Variants in STPG2 observed in about 807,000 individuals in gnomAD.
STPG2 encodes the protein sperm-tail PG-rich repeat-containing protein 2.
In STPG2, 56 loss-of-function variants were observed where a neutral mutation model predicts 54.2. The observed-to-expected ratio is 1.03, with a 90% CI of 0.83 to 1.29. The LOEUF (loss-of-function observed/expected upper bound fraction) is 1.29, where lower values mean the gene tolerates loss of function less well. Ranked by LOEUF, STPG2 falls within the 50% of genes most tolerant of loss-of-function variation. STPG2 has a pLI of 0.00. For missense variants in STPG2, 596 were observed against 544.9 expected (o/e 1.09, Z -0.93); for synonymous variants, 200 against 181.8 (o/e 1.10, Z -0.81).
At chr4:97,680,909 A>G (rs924283505) in intron 10 of STPG2, among the ~76,000 whole-genome samples, 3 of 152,048 alleles carry the variant, frequency 2.0e-5, no homozygotes, top group Non-Finnish European at 4.4e-5. Flanking sequence ...TAATAATAGA[A>G]AGGAAGAAAC....
intron 8 of STPG2, among the ~76,000 whole-genome samples, chr4:97,920,458 G>A (rs1490657521): frequency 1.3e-5 from 2 of 152,138 alleles, no homozygotes; most frequent in East Asian, 1.9e-4. Flanking sequence ...TTTCTCTACC[G>A]ACTGGGGTGA....
chr4:97,713,233 G>A (rs1270048004), intron 9 of STPG2, among the ~76,000 whole-genome samples: 1 of 152,118 alleles, frequency 6.6e-6, no homozygotes, highest in East Asian at 1.9e-4. Flanking sequence ...TAAACATTAC[G>A]GAAATCAAGA....
chr4:97,707,378 A>T (rs376599487), intron 10 of STPG2, among the ~76,000 whole-genome samples: 1 of 151,996 alleles, frequency 6.6e-6, no homozygotes, highest in Non-Finnish European at 1.5e-5. Flanking sequence ...AAAATTAGCC[A>T]GGTATGGTGG....
At chr4:97,967,863 T>G (rs10029281) in intron 7 of STPG2, among the ~76,000 whole-genome samples, 2 of 151,788 alleles carry the variant, frequency 1.3e-5, no homozygotes, top group Non-Finnish European at 2.9e-5. Flanking sequence ...TAAAGCAGGG[T>G]GTAGAGGGAA....
intron 7 of STPG2, among the ~76,000 whole-genome samples, chr4:97,950,480 A>G (rs1733423763): frequency 6.6e-6 from 1 of 152,056 alleles, no homozygotes; most frequent in Non-Finnish European, 1.5e-5. Flanking sequence ...GTATCTCTTC[A>G]TTCATATGCT....
intron 10 of STPG2, among the ~76,000 whole-genome samples, chr4:97,624,126 T>C (rs1245511499): frequency 1.3e-5 from 2 of 152,180 alleles, no homozygotes; most frequent in African/African-American, 2.4e-5. Flanking sequence ...TGTAATAGAA[T>C]GATTTATATT....
At chr4:97,502,451 A>G (rs1560635168) in intron 4 of STPG2, among the ~76,000 whole-genome samples, 1 of 152,042 alleles carries the variant, frequency 6.6e-6, no homozygotes, top group Non-Finnish European at 1.5e-5. Context: ...GAAAATTGTT[A>G]TCCAAAATGT....
chr4:97,803,572 C>A (rs190994416), intron 9 of STPG2, among the ~76,000 whole-genome samples: 1 of 152,240 alleles, frequency 6.6e-6, no homozygotes, highest in Non-Finnish European at 1.5e-5. Context: ...CAGAGTCTAA[C>A]CCTGTCACCC....
At chr4:97,584,304 G>T (rs1732937384) in intron 10 of STPG2, among the ~76,000 whole-genome samples, 1 of 151,930 alleles carries the variant, frequency 6.6e-6, no homozygotes. Context: ...ATGAAATCAA[G>T]ATGGAAATCT....
At chr4:97,935,726 C>G (rs1407841829) in intron 8 of STPG2, among the ~76,000 whole-genome samples, 1 of 152,108 alleles carries the variant, frequency 6.6e-6, no homozygotes, top group Non-Finnish European at 1.5e-5. Flanking sequence ...AATTTGATTG[C>G]TCTGTGGTCT....
intron 8 of STPG2, among the ~76,000 whole-genome samples, chr4:97,911,009 A>G (rs1006624454): frequency 3.9e-5 from 6 of 152,144 alleles, no homozygotes; most frequent in Admixed American, 3.9e-4. Context: ...AGAGAGGAAA[A>G]ACAGAGTGGG....
chr4:97,470,058 A>G (rs551739331), intron 4 of STPG2, among the ~76,000 whole-genome samples: 1 of 152,158 alleles, frequency 6.6e-6, no homozygotes. Context: ...AAACCACTGC[A>G]TATGATGAGC....
intron 10 of STPG2, among the ~76,000 whole-genome samples, chr4:97,616,174 A>T (rs1733870765): frequency 6.9e-6 from 1 of 145,964 alleles, no homozygotes; most frequent in Admixed American, 7.1e-5. Context: ...AGATGAGATC[A>T]TTTGGAAAAC....
At chr4:97,687,502 G>T (rs893219194) in intron 10 of STPG2, among the ~76,000 whole-genome samples, 4 of 151,922 alleles carry the variant, frequency 2.6e-5, no homozygotes, top group African/African-American at 9.7e-5. Context: ...ACCATGCCCA[G>T]CTAATTTTTG....
At chr4:97,499,730 G>T (rs761043429) in intron 4 of STPG2, among the ~76,000 whole-genome samples, 7 of 151,930 alleles carry the variant, frequency 4.6e-5, no homozygotes, top group Non-Finnish European at 7.4e-5. Context: ...ATGAACAAAG[G>T]CTGGAAGGAA....
intron 1 of STPG2, among the ~76,000 whole-genome samples, chr4:98,141,516 A>C (rs182761471): frequency 6.6e-6 from 1 of 152,336 alleles, no homozygotes; most frequent in Admixed American, 6.5e-5. Context: ...CAGTCTTCAG[A>C]TAGACTCAAC....
intron 9 of STPG2, among the ~76,000 whole-genome samples, chr4:97,789,220 G>T (rs1217354615): frequency 6.6e-6 from 1 of 151,794 alleles, no homozygotes; most frequent in African/African-American, 2.4e-5. Flanking sequence ...AAAAAAAGAG[G>T]TATACCTAGC....
chr4:97,563,007 A>T (rs1732303958), intron 10 of STPG2, among the ~76,000 whole-genome samples: 1 of 152,158 alleles, frequency 6.6e-6, no homozygotes, highest in Non-Finnish European at 1.5e-5. Context: ...GAATAGTTTC[A>T]GAAGGAATGG....
intron 8 of STPG2, among the ~76,000 whole-genome samples, chr4:97,942,039 G>A (rs115935682): frequency 0.01 from 1,563 of 151,842 alleles, 30 homozygotes; most frequent in African/African-American, 0.036. Flanking sequence ...AAATATTGGT[G>A]AAGCAACTTG....
Sources: allele counts gnomAD v4.1 joint callset (sites outside exome capture counted in the v4.1 genomes callset), GRCh38; gene constraint gnomAD v4.1.1; transcripts MANE v1.5; gene names NCBI Gene and HGNC (gene_info 2026-07-23, HGNC 2026-07-21).